Variants in MACROD2 observed in about 807,000 individuals in gnomAD.
MACROD2 encodes the protein mono-ADP ribosylhydrolase 2.
MACROD2 carries 36 observed loss-of-function variants against 70.4 expected under a neutral mutation model. That is an observed-to-expected ratio of 0.51 (90% CI 0.39 to 0.68). The LOEUF (loss-of-function observed/expected upper bound fraction) is 0.68. Ranked by LOEUF, MACROD2 falls within the 30% of genes least tolerant of loss-of-function variation. MACROD2 has a pLI of 0.00. For synonymous variants in MACROD2, 172 were observed against 178.8 expected (o/e 0.96, Z 0.30); for missense variants, 496 against 538.4 (o/e 0.92, Z 0.78).
chr20:14,846,008 T>G (rs1334320605), intron 5 of MACROD2, among the ~76,000 whole-genome samples: 1 of 152,114 alleles, frequency 6.6e-6, no homozygotes, highest in Non-Finnish European at 1.5e-5. Flanking sequence ...ACTTGAGTAT[T>G]TTTTTAATTT....
intron 5 of MACROD2, among the ~76,000 whole-genome samples, chr20:15,058,732 A>G (rs2075507670): frequency 4.6e-5 from 7 of 152,218 alleles, no homozygotes; most frequent in Admixed American, 4.6e-4. Context: ...GAGCAACTGA[A>G]TATGTTATAA....
At chr20:15,637,347 T>G (rs1298168416) in intron 8 of MACROD2, among the ~76,000 whole-genome samples, 1 of 152,196 alleles carries the variant, frequency 6.6e-6, no homozygotes, top group Non-Finnish European at 1.5e-5. Flanking sequence ...TTATTCCTAT[T>G]GGCTATGTGG....
intron 8 of MACROD2, among the ~76,000 whole-genome samples, chr20:15,713,987 GCA>G (rs3071356): frequency 0.041 from 4,820 of 117,406 alleles, 111 homozygotes; most frequent in South Asian, 0.09. Context: ...ACACACATAT[GCA>G]CACACACACA....
Position 15,778,834 on chromosome 20 carries a change from T to A in MACROD2, c.646-83911T>A, listed in dbSNP as rs150485460. ...CACTTCCAGTCATAATTGAAGGAAC[T>A]GACCAGCAAAGAGAGAAGGGAAAGA... is the stretch of plus-strand genomic sequence containing the variant. On this transcript the variant is annotated intron_variant, in intron 8 of 17. Transcript: ENST00000684519. 2.1e-3 allele frequency among the ~76,000 whole-genome samples: 314 copies of A among 152,238 alleles called. 3 individuals are homozygous for A. Among genetic ancestry groups the A allele is most frequent in the African/African-American group, 7.0e-3 (292 of 41,570 alleles).
chr20:15,809,834 C>A (rs1193936941), intron 8 of MACROD2, among the ~76,000 whole-genome samples: 1 of 150,606 alleles, frequency 6.6e-6, no homozygotes, highest in Admixed American at 6.6e-5. Context: ...GTGGGCACAT[C>A]TGAGTTGCCT....
intron 5 of MACROD2, among the ~76,000 whole-genome samples, chr20:14,696,325 C>A (rs1010093089): frequency 6.6e-6 from 1 of 152,138 alleles, no homozygotes; most frequent in Non-Finnish European, 1.5e-5. Flanking sequence ...ATGCTCTAGT[C>A]TTTACCTTTG....
At chr20:15,940,173 A>C (rs947583180) in intron 12 of MACROD2, among the ~76,000 whole-genome samples, 3 of 151,968 alleles carry the variant, frequency 2.0e-5, no homozygotes, top group Non-Finnish European at 2.9e-5. Flanking sequence ...GGCTCACTGC[A>C]ACCTCCGCCT....
At chr20:14,443,419 C>T (rs895960796) in intron 3 of MACROD2, among the ~76,000 whole-genome samples, 11 of 151,086 alleles carry the variant, frequency 7.3e-5, no homozygotes, top group African/African-American at 2.7e-4. Context: ...GTCTTAGCTT[C>T]CTGAGTAGCT....
intron 5 of MACROD2, among the ~76,000 whole-genome samples, chr20:15,077,224 A>G (rs2075665078): frequency 2.0e-5 from 3 of 152,194 alleles, no homozygotes; most frequent in South Asian, 4.1e-4. Context: ...ATTCACCTTT[A>G]TTTTCCACTT....
intron 3 of MACROD2, among the ~76,000 whole-genome samples, chr20:14,423,222 C>CA (rs1212652937): frequency 6.6e-6 from 1 of 152,152 alleles, no homozygotes; most frequent in Admixed American, 6.5e-5. Context: ...AAAGACACCA[C>CA]AAAATTTTCT....
chr20:14,305,260 C>T (rs974457907), intron 3 of MACROD2, among the ~76,000 whole-genome samples: 22 of 152,052 alleles, frequency 1.4e-4, no homozygotes, highest in African/African-American at 5.3e-4. Flanking sequence ...CCTTCTCCTG[C>T]CTTATTTTTC....
rs769008665 is a variant in MACROD2 at position 14,326,252 on chromosome 20, T to A, written c.272-167227T>A. ...CAAGAGATATGAATGGTATCAGAGG[T>A]GACAGACTTCACAGTAATTGTAATT... On this transcript the variant is annotated intron_variant, in intron 3 of 17. Coordinates refer to ENST00000684519, the MANE Select transcript of MACROD2 (RefSeq NM_001351661.2). The surrounding 1 kb of genome is among the most constrained non-coding windows in gnomAD (Gnocchi z 5.5). 203 of 1,613,890 alleles carry A rather than the reference T, an allele frequency of 1.3e-4. No homozygotes were observed. The Middle Eastern group carries it at 1.5e-3, about 12-fold the overall frequency.
intron 8 of MACROD2, among the ~76,000 whole-genome samples, chr20:15,654,270 A>G (rs1395129093): frequency 6.6e-6 from 1 of 151,844 alleles, no homozygotes; most frequent in African/African-American, 2.4e-5. Flanking sequence ...TTTACTTAGC[A>G]TACTGAGCTC....
chr20:14,051,497 A>G (rs536385473), intron 2 of MACROD2, among the ~76,000 whole-genome samples: 83 of 152,232 alleles, frequency 5.5e-4, no homozygotes, highest in African/African-American at 1.9e-3. Context: ...TACCCAAAGT[A>G]TGGTGGGGGT....
intron 5 of MACROD2, among the ~76,000 whole-genome samples, chr20:14,907,350 T>C (rs1429570912): frequency 6.6e-6 from 1 of 152,196 alleles, no homozygotes; most frequent in Non-Finnish European, 1.5e-5. Context: ...ACATTGCTGC[T>C]TCAATAAAAG....
chr20:14,393,989 T>C (rs552400830), intron 3 of MACROD2, among the ~76,000 whole-genome samples: 1 of 152,288 alleles, frequency 6.6e-6, no homozygotes, highest in African/African-American at 2.4e-5. Flanking sequence ...CACTAAGAAC[T>C]GAATCTGCCA....
chr20:14,934,442 C>T (rs1028528846), intron 5 of MACROD2, among the ~76,000 whole-genome samples: 1 of 152,098 alleles, frequency 6.6e-6, no homozygotes, highest in Non-Finnish European at 1.5e-5. Context: ...ATCAGACCAT[C>T]AATTGTGGTC....
chr20:15,862,411 A>G (rs887988069), intron 8 of MACROD2, among the ~76,000 whole-genome samples: 1 of 152,226 alleles, frequency 6.6e-6, no homozygotes, highest in African/African-American at 2.4e-5. Context: ...TTTATAGGAC[A>G]TAAAGTCTAG....
intron 6 of MACROD2, among the ~76,000 whole-genome samples, chr20:15,251,702 T>C (rs1476883410): frequency 2.0e-5 from 3 of 152,200 alleles, no homozygotes; most frequent in Non-Finnish European, 4.4e-5. Context: ...TCCAAGTGAC[T>C]AGCTGAAAAG....
Sources: gnomAD v4.1 joint callset for allele counts (sites outside exome capture counted in the v4.1 genomes callset) on GRCh38, gnomAD v4.1.1 for gene constraint, Gnocchi (gnomAD v3.1) non-coding constraint, MANE v1.5 for transcripts, NCBI Gene and HGNC (gene_info 2026-07-23, HGNC 2026-07-21) for gene names.